Variants in RAB30 observed in about 807,000 individuals in gnomAD.
RAB30 encodes the protein ras-related protein Rab-30.
In RAB30, 9 loss-of-function variants were observed where a neutral mutation model predicts 25.1. The ratio of observed to expected loss-of-function variants is 0.36; its 90% CI spans 0.22 to 0.63. The LOEUF is 0.63. Ranked by LOEUF, RAB30 falls within the 20% of genes least tolerant of loss-of-function variation. The pLI, the probability that RAB30 is intolerant of heterozygous loss-of-function variation, is 0.69. For synonymous variants in RAB30, 77 were observed against 86.4 expected (o/e 0.89, Z 0.60); for missense variants, 140 against 243.5 (o/e 0.58, Z 2.83).
intron 4 of RAB30, among the ~76,000 whole-genome samples, chr11:82,982,838 G>T (rs982522182): frequency 1.3e-5 from 2 of 151,930 alleles, no homozygotes; most frequent in African/African-American, 4.8e-5. Flanking sequence ...CTCTAGCTTG[G>T]GTGACAGAGT....
intron 1 of RAB30, among the ~76,000 whole-genome samples, chr11:83,036,302 G>C (rs1857986538): frequency 6.6e-6 from 1 of 151,976 alleles, no homozygotes; most frequent in East Asian, 1.9e-4. Flanking sequence ...CAGTAGTTGG[G>C]AATACAGGCA....
In RAB30 at chr11:82,974,358, C is replaced by G. The variant is rs1210065840; in HGVS notation, c.*7807G>C. The G allele has an allele frequency of 1.3e-5, 2 of 152,090 alleles. No individual in the cohort carries two copies. The highest frequency in any genetic ancestry group is 2.9e-5 in the Non-Finnish European group (2 of 67,992). 9.4% of individuals were successfully genotyped at this position (152,090 alleles called of 1,614,324 possible). A position where few individuals can be genotyped will look rare whatever the true frequency, so the allele number is the denominator to read the frequency against. The stretch of plus-strand genomic sequence containing the variant: ...TTTAATGTTGATTGAATTTTTCATA[C>G]AATCACCTTTCTACAGAAGGTTTTC... On this transcript the variant is annotated 3_prime_UTR_variant, in exon 5 of 5. Transcript: ENST00000527633.
chr11:82,999,140 G>A (rs1323302303), intron 1 of RAB30, among the ~76,000 whole-genome samples: 2 of 152,148 alleles, frequency 1.3e-5, no homozygotes, highest in Non-Finnish European at 2.9e-5. Context: ...CATAAGCAGT[G>A]GTAGCATTAT....
At chr11:83,035,555 C>G (rs1474197913) in intron 1 of RAB30, 1 of 152,420 alleles carries the variant, frequency 6.6e-6, no homozygotes, top group Non-Finnish European at 1.5e-5. Flanking sequence ...GCAGCAACCT[C>G]TTCCTCAACA....
chr11:82,984,557 T>A (rs191555961), intron 4 of RAB30, among the ~76,000 whole-genome samples: 1 of 152,284 alleles, frequency 6.6e-6, no homozygotes, highest in Non-Finnish European at 1.5e-5. Flanking sequence ...ATGCCACGCG[T>A]GGTCTACGGT....
chr11:83,028,249 A>G (rs912337793), intron 1 of RAB30, among the ~76,000 whole-genome samples: 9 of 152,218 alleles, frequency 5.9e-5, no homozygotes, highest in Non-Finnish European at 1.2e-4. Context: ...AATCTTCAAT[A>G]AAAGGATTGA....
chr11:83,015,686 G>A (rs1201843615), intron 1 of RAB30, among the ~76,000 whole-genome samples: 1 of 152,210 alleles, frequency 6.6e-6, no homozygotes, highest in Non-Finnish European at 1.5e-5. Flanking sequence ...ATAGAGAAGA[G>A]GGCCATTTCA....
chr11:82,994,937 T>C (rs1439579462), intron 2 of RAB30, among the ~76,000 whole-genome samples: 1 of 152,238 alleles, frequency 6.6e-6, no homozygotes, highest in Non-Finnish European at 1.5e-5. Context: ...TTGAGGCTGA[T>C]GTAAGCCATT....
At chr11:83,022,658 A>T (rs577435353) in intron 1 of RAB30, among the ~76,000 whole-genome samples, 1 of 152,288 alleles carries the variant, frequency 6.6e-6, no homozygotes, top group South Asian at 2.1e-4. Flanking sequence ...CAACTTTTAA[A>T]TAAAAAAAAG....
chr11:82,997,439 T>C (rs1053328212), intron 1 of RAB30, 115 bp from the exon 2 acceptor site: 3 of 722,374 alleles, frequency 4.2e-6, no homozygotes, highest in Non-Finnish European at 7.1e-6. Flanking sequence ...AAAGAGCAAT[T>C]TAAAGCTCCC....
intron 4 of RAB30, among the ~76,000 whole-genome samples, 170 bp from the exon 5 acceptor site, chr11:82,982,585 T>A (rs1856661991): frequency 6.6e-6 from 1 of 152,156 alleles, no homozygotes. Flanking sequence ...GAGTGCCAGC[T>A]GGGCGCAGTG....
At chr11:82,997,351 A>G in intron 1 of RAB30, 27 bp from the exon 2 acceptor site, 1 of 1,488,036 alleles carries the variant, frequency 6.7e-7, no homozygotes. Context: ...GGCAAAAGTG[A>G]GAAAGGCCCA....
intron 1 of RAB30, among the ~76,000 whole-genome samples, chr11:83,003,967 C>T (rs1337502345): frequency 6.6e-6 from 1 of 152,146 alleles, no homozygotes; most frequent in African/African-American, 2.4e-5. Context: ...AGGATAGCTT[C>T]ACAGTAACAT....
At chr11:83,052,300 C>T (rs945666692) in intron 1 of RAB30, among the ~76,000 whole-genome samples, 1 of 152,180 alleles carries the variant, frequency 6.6e-6, no homozygotes, top group African/African-American at 2.4e-5. Context: ...GCAATAAAAA[C>T]AGGCTCAAAC....
At chr11:83,031,837 C>G (rs1857869234) in intron 1 of RAB30, among the ~76,000 whole-genome samples, 1 of 152,058 alleles carries the variant, frequency 6.6e-6, no homozygotes, top group African/African-American at 2.4e-5. Flanking sequence ...TGCATATTCT[C>G]TTTTTAACCT....
chr11:82,982,257 C>T lies in RAB30; in HGVS notation c.520G>A (p.Ala174Thr). Residue 174 changes from alanine to threonine, a missense_variant, in exon 5 of 5, where the codon GCC becomes ACC. Coordinates refer to ENST00000527633, the MANE Select transcript of RAB30 (RefSeq NM_001286060.2). ...TTGTTCACAAGTGTGTTCTGTCTGG[C>T]TTCACTGATGAGTCGGCATGCTAAG... ...LDLACRLISE[A>T]RQNTLVNNVS... 1 of 1,614,236 alleles carries T rather than the reference C, an allele frequency of 6.2e-7. No individual in the cohort carries two copies. Among genetic ancestry groups the T allele is most frequent in the Non-Finnish European group, 8.5e-7 (1 of 1,180,032 alleles).
At chr11:83,049,350 G>C (rs1406321986) in intron 1 of RAB30, among the ~76,000 whole-genome samples, 1 of 151,094 alleles carries the variant, frequency 6.6e-6, no homozygotes, top group Non-Finnish European at 1.5e-5. Context: ...GGCGGAGGTT[G>C]CAGTGAGCCG....
chr11:83,025,150 A>G (rs7116839), intron 1 of RAB30, among the ~76,000 whole-genome samples: 7,780 of 152,316 alleles, frequency 0.051, 283 homozygotes, highest in East Asian at 0.11. Flanking sequence ...CACATTGATA[A>G]TACCTTCATA....
At chr11:82,996,691 G>T (rs1040131653) in intron 2 of RAB30, among the ~76,000 whole-genome samples, 1 of 152,186 alleles carries the variant, frequency 6.6e-6, no homozygotes, top group Non-Finnish European at 1.5e-5. Flanking sequence ...ATTCAGTTCA[G>T]ATAATTCTTC....
Sources: allele counts gnomAD v4.1 joint callset (sites outside exome capture counted in the v4.1 genomes callset), GRCh38; gene constraint gnomAD v4.1.1; transcripts MANE v1.5; gene names NCBI Gene and HGNC (gene_info 2026-07-23, HGNC 2026-07-21).